Variants in EVL observed in about 807,000 individuals in gnomAD.
The protein encoded by EVL is ena/VASP-like protein.
Under a neutral mutation model 59.6 loss-of-function variants are expected in EVL, and 21 were observed. That is an observed-to-expected ratio of 0.35 (90% CI 0.25 to 0.51). The LOEUF (loss-of-function observed/expected upper bound fraction) is 0.51, where lower values mean the gene tolerates loss of function less well. EVL is among the 20% of genes least tolerant of loss of function. The probability of loss-of-function intolerance (pLI) is 0.97; values close to 1 mark genes in which losing one functional copy is unlikely to be tolerated. For synonymous variants in EVL, 198 were observed against 203.5 expected, an observed-to-expected ratio of 0.97 and a Z score of 0.23; for missense variants, 462 against 546.6, an observed-to-expected ratio of 0.85 and a Z score of 1.54.
intron 1 of EVL, among the ~76,000 whole-genome samples, chr14:99,987,435 A>C (rs1208641986): frequency 6.6e-6 from 1 of 152,158 alleles, no homozygotes; most frequent in East Asian, 1.9e-4. Context: ...TGAGGTCAGG[A>C]GTTTGAGACC....
At chr14:100,019,633 C>A in intron 1 of EVL, 1 of 1,528,926 alleles carries the variant, frequency 6.5e-7, no homozygotes, top group Non-Finnish European at 8.7e-7. Context: ...AAGACTACCA[C>A]ACAATCTAAG....
rs57005382 is a variant in EVL at position 100,125,122 on chromosome 14, CCACACACACA to C, written c.422+1540_422+1549del. Among the ~76,000 whole-genome samples the C allele has an allele frequency of 4.7e-4, 48 of 103,098 alleles. No homozygotes were observed. The East Asian group carries it at 4.8e-3, about 10-fold the overall frequency. The allele number at this position is 103,098 out of a possible 152,430, so 67.6% of individuals were successfully genotyped here. A position where few individuals can be genotyped will look rare whatever the true frequency, so the allele number is the denominator to read the frequency against. ...CACACACACCTGCCCCAAGGCGGGA[CCACACACACA>C]CACACACACACACACACACCTGCCC... On this transcript the variant is annotated intron_variant, in intron 4 of 13. Coordinates refer to ENST00000392920, the MANE Select transcript of EVL (RefSeq NM_016337.3).
intron 1 of EVL, chr14:100,019,786 A>C (rs1220977750): frequency 6.7e-6 from 8 of 1,202,822 alleles, no homozygotes; most frequent in Non-Finnish European, 2.3e-6. Context: ...GGTTCTCACA[A>C]AAAAAACAGG....
intron 1 of EVL, among the ~76,000 whole-genome samples, chr14:100,032,490 A>C (rs2061329162): frequency 6.6e-6 from 1 of 152,162 alleles, no homozygotes; most frequent in East Asian, 1.9e-4. Flanking sequence ...ATGGTATCCC[A>C]GTACTTTGTG....
At chr14:100,079,182 C>T (rs1455589959) in intron 1 of EVL, among the ~76,000 whole-genome samples, 1 of 152,222 alleles carries the variant, frequency 6.6e-6, no homozygotes, top group Admixed American at 6.5e-5. Context: ...AGCCCACCCG[C>T]AGAGCTGTGG....
At chr14:100,129,524 C>T (rs1162339696) in intron 6 of EVL, 39 bp from the exon 7 acceptor site, 1 of 1,611,272 alleles carries the variant, frequency 6.2e-7, no homozygotes, top group African/African-American at 1.3e-5. Context: ...GTTCTGCCAT[C>T]AGCAGCAGAA....
chr14:99,980,252 G>T (rs2060797760), intron 1 of EVL, among the ~76,000 whole-genome samples: 1 of 152,156 alleles, frequency 6.6e-6, no homozygotes, highest in Non-Finnish European at 1.5e-5. Flanking sequence ...AAAATTGCTG[G>T]TCAGATACTT....
chr14:100,043,834 G>C (rs758589300), intron 1 of EVL, among the ~76,000 whole-genome samples: 2 of 151,800 alleles, frequency 1.3e-5, no homozygotes, highest in African/African-American at 2.4e-5. Flanking sequence ...TACTGGTCTA[G>C]AACTCCTGGG....
At chr14:100,138,053 C>G in intron 11 of EVL, 1 of 579,962 alleles carries the variant, frequency 1.7e-6, no homozygotes. Context: ...CAGGGGGGGG[C>G]CAACATGGAG....
chr14:100,077,738 A>G (rs1233140627), intron 1 of EVL, among the ~76,000 whole-genome samples: 1 of 152,018 alleles, frequency 6.6e-6, no homozygotes, highest in African/African-American at 2.4e-5. Flanking sequence ...TTTAATAAAC[A>G]CTCACCTGAC....
intron 1 of EVL, among the ~76,000 whole-genome samples, chr14:100,001,585 A>T (rs1595554670): frequency 6.6e-6 from 1 of 152,232 alleles, no homozygotes; most frequent in Non-Finnish European, 1.5e-5. Flanking sequence ...ACTTTGTTCC[A>T]TTGAAGGAGT....
intron 9 of EVL, chr14:100,137,114 T>G: frequency 5.7e-6 from 1 of 175,578 alleles, no homozygotes; most frequent in Non-Finnish European, 1.2e-5. Flanking sequence ...GAACAAAATA[T>G]AATCCAATAC....
intron 1 of EVL, among the ~76,000 whole-genome samples, chr14:100,016,357 C>T (rs140830866): frequency 0.011 from 1,620 of 152,202 alleles, 31 homozygotes; most frequent in African/African-American, 0.037. Context: ...GGTGAAACCC[C>T]GTCTCTACTA....
intron 3 of EVL, 35 bp from the exon 4 acceptor site, chr14:100,123,504 C>G (rs750374176): frequency 1.2e-6 from 2 of 1,611,886 alleles, no homozygotes; most frequent in Admixed American, 1.7e-5. Context: ...CTTTCTTCCT[C>G]TAACCACACT....
chr14:100,047,671 G>A (rs536062362), intron 1 of EVL, among the ~76,000 whole-genome samples: 2 of 152,242 alleles, frequency 1.3e-5, no homozygotes, highest in East Asian at 3.9e-4. Flanking sequence ...TGTGTAGCCT[G>A]GGTTACACAT....
chr14:100,093,659 A>G (rs1422260234), intron 2 of EVL, among the ~76,000 whole-genome samples: 2 of 152,216 alleles, frequency 1.3e-5, no homozygotes, highest in Non-Finnish European at 2.9e-5. Flanking sequence ...TCCTCTAGAA[A>G]GGCTTCACTG....
chr14:100,001,067 C>T (rs1210105545), intron 1 of EVL, among the ~76,000 whole-genome samples: 2 of 152,068 alleles, frequency 1.3e-5, no homozygotes, highest in African/African-American at 2.4e-5. Context: ...AGAAAAACAA[C>T]AACAAACAAA....
chr14:100,143,359 A>C (rs1889312887), intron 13 of EVL, among the ~76,000 whole-genome samples: 1 of 152,072 alleles, frequency 6.6e-6, no homozygotes, highest in South Asian at 2.1e-4. Context: ...GAGCCTACAG[A>C]GACCCTGCGT....
At chr14:100,014,702 G>C (rs564416702) in intron 1 of EVL, among the ~76,000 whole-genome samples, 1 of 152,282 alleles carries the variant, frequency 6.6e-6, no homozygotes, top group East Asian at 1.9e-4. Flanking sequence ...TTGAGTTGTG[G>C]GTTTTTTAAC....
Sources: gnomAD v4.1 joint callset for allele counts (sites outside exome capture counted in the v4.1 genomes callset) on GRCh38, gnomAD v4.1.1 for gene constraint, MANE v1.5 for transcripts, NCBI Gene and HGNC (gene_info 2026-07-23, HGNC 2026-07-21) for gene names.